Variants in SGPP2 observed in about 807,000 individuals in gnomAD.
SGPP2 encodes sphingosine-1-phosphate phosphatase 2.
SGPP2 carries 30 observed loss-of-function variants against 33.9 expected under a neutral mutation model. That is an observed-to-expected ratio of 0.89 (90% CI 0.66 to 1.20). SGPP2 has a LOEUF of 1.20. SGPP2 is among the 50% of genes most tolerant of loss of function. The pLI is 0.00. For synonymous variants in SGPP2, 233 were observed against 225.0 expected (o/e 1.04, Z -0.32); for missense variants, 458 against 532.1 (o/e 0.86, Z 1.37).
In SGPP2 at chr2:222,465,647, T is replaced by G. The variant is rs1334078683; in HGVS notation, c.220-8921T>G. Among the ~76,000 whole-genome samples the G allele has an allele frequency of 1.3e-5, 2 of 152,158 alleles. No homozygotes were observed. The highest frequency in any genetic ancestry group is 4.8e-5 in the African/African-American group (2 of 41,434). ...CATCCCACTGTTTCAGAGCCAAAATTTGTTCTAGTCTCACCAGAGTAAATC... is the reference window on the plus strand; with the variant it reads ...CATCCCACTGTTTCAGAGCCAAAATGTGTTCTAGTCTCACCAGAGTAAATC... On this transcript the variant is annotated intron_variant, in intron 1 of 4. Transcript: ENST00000321276. The surrounding 1 kb of genome is among the most constrained non-coding windows in gnomAD (Gnocchi z 4.1).
rs1689471582 is a variant in SGPP2 at position 222,558,923 on chromosome 2, C to CA, written c.*26dup. The CA allele has an allele frequency of 1.9e-6, 3 of 1,586,154 alleles. No homozygotes were observed. Among genetic ancestry groups the CA allele is most frequent in the Non-Finnish European group, 2.6e-6 (3 of 1,159,320 alleles). ...AGTCTCAAACAGTTGGAAACTAGCC[C>CA]ACTGGACATGAAAGCCAAGACATAG... On this transcript the variant is annotated 3_prime_UTR_variant, in exon 5 of 5. Coordinates refer to ENST00000321276, the MANE Select transcript of SGPP2 (RefSeq NM_152386.4).
chr2:222,533,649 G>A (rs1355667811), intron 4 of SGPP2, among the ~76,000 whole-genome samples: 1 of 152,158 alleles, frequency 6.6e-6, no homozygotes. Context: ...AGGTGCAGCT[G>A]GCATTGGGAG....
At chr2:222,538,587 T>C (rs1019518498) in intron 4 of SGPP2, among the ~76,000 whole-genome samples, 3 of 152,198 alleles carry the variant, frequency 2.0e-5, no homozygotes, top group African/African-American at 7.2e-5. Flanking sequence ...CTCAATTCAA[T>C]TGTATATGAA....
chr2:222,558,824 G>C lies in SGPP2; in HGVS notation c.1126G>C (p.Val376Leu), dbSNP rs761710774. 4.3e-6 allele frequency: 7 copies of C among 1,614,136 alleles called. No homozygotes were observed. The change falls in exon 5 of 5, where the codon GTT (valine) becomes CTT (leucine). Residue 376 changes from valine to leucine, a missense_variant. Val to Leu is a conservative substitution (Grantham distance 32). Coordinates refer to ENST00000321276, the MANE Select transcript of SGPP2 (RefSeq NM_152386.4). ...GGAGATTGAAGTGCCTTACAAGTTTGTTACCTACACATCTGTTGGCATCTG... is the reference window on the plus strand; with the variant it reads ...GGAGATTGAAGTGCCTTACAAGTTTCTTACCTACACATCTGTTGGCATCTG... ...RLEIEVPYKFVTYTSVGICAT... is the reference protein window; with the variant it reads ...RLEIEVPYKFLTYTSVGICAT...
At chr2:222,516,830 T>C (rs941236104) in intron 2 of SGPP2, among the ~76,000 whole-genome samples, 1 of 152,230 alleles carries the variant, frequency 6.6e-6, no homozygotes, top group African/African-American at 2.4e-5. Flanking sequence ...ACTATTATAG[T>C]AATTTATATT....
chr2:222,480,980 A>G (rs915742976), intron 2 of SGPP2, among the ~76,000 whole-genome samples: 3 of 152,206 alleles, frequency 2.0e-5, no homozygotes, highest in Admixed American at 1.3e-4. Flanking sequence ...TATCCTCAGC[A>G]AACTATCAGG....
intron 4 of SGPP2, 76 bp downstream of exon 4, chr2:222,525,109 C>T: frequency 1.0e-6 from 1 of 989,674 alleles, no homozygotes; most frequent in Admixed American, 2.5e-5. Context: ...GTTTCTCATA[C>T]TACTTATTTA....
intron 1 of SGPP2, among the ~76,000 whole-genome samples, chr2:222,453,694 T>C (rs1349127249): frequency 1.3e-5 from 2 of 152,224 alleles, no homozygotes; most frequent in African/African-American, 2.4e-5. Context: ...AAGAATACAG[T>C]ATATAATGCA....
chr2:222,476,733 T>C lies in SGPP2; in HGVS notation c.378+2007T>C, dbSNP rs747351722. 6.6e-6 allele frequency among the ~76,000 whole-genome samples: 1 copy of C among 151,958 alleles called. No homozygotes were observed. The highest frequency in any genetic ancestry group is 1.5e-5 in the Non-Finnish European group (1 of 67,952). ...CTGTATATATATGTATGTGTGTATATAGGTGTGTGTGTATATGTATGTATA... is the reference window on the plus strand; with the variant it reads ...CTGTATATATATGTATGTGTGTATACAGGTGTGTGTGTATATGTATGTATA... On this transcript the variant is annotated intron_variant, in intron 2 of 4. Coordinates refer to ENST00000321276, the MANE Select transcript of SGPP2 (RefSeq NM_152386.4). This position sits in a 1 kb window ranked among gnomAD's most constrained non-coding sequence, Gnocchi z 4.3.
At chr2:222,495,072 T>G (rs1248395309) in intron 2 of SGPP2, among the ~76,000 whole-genome samples, 3 of 152,014 alleles carry the variant, frequency 2.0e-5, no homozygotes, top group African/African-American at 7.3e-5. Context: ...AAGTTGCTGG[T>G]GGTTTGAAAA....
At chr2:222,510,552 T>C (rs1314757661) in intron 2 of SGPP2, among the ~76,000 whole-genome samples, 2 of 152,186 alleles carry the variant, frequency 1.3e-5, no homozygotes, top group African/African-American at 4.8e-5. Flanking sequence ...ACATCACTTT[T>C]GCTATTTCTC....
At chr2:222,474,106 C>T (rs1697892750) in intron 1 of SGPP2, among the ~76,000 whole-genome samples, 1 of 152,060 alleles carries the variant, frequency 6.6e-6, no homozygotes, top group Non-Finnish European at 1.5e-5. Context: ...TGTATCAATA[C>T]AAATTTTAAA....
At chr2:222,522,060 G>C in intron 3 of SGPP2, 114 bp downstream of exon 3, 1 of 956,808 alleles carries the variant, frequency 1.0e-6, no homozygotes, top group Non-Finnish European at 1.5e-6. Flanking sequence ...ATGAAATAAA[G>C]ATTAAGAGAA....
At chr2:222,468,930 A>G (rs1697796506) in intron 1 of SGPP2, among the ~76,000 whole-genome samples, 1 of 152,238 alleles carries the variant, frequency 6.6e-6, no homozygotes, top group African/African-American at 2.4e-5. Context: ...GTGCATTTAA[A>G]GAACTTACGA....
intron 1 of SGPP2, among the ~76,000 whole-genome samples, chr2:222,434,597 G>A (rs1242270062): frequency 6.6e-6 from 1 of 152,088 alleles, no homozygotes; most frequent in East Asian, 1.9e-4. Flanking sequence ...AAAACACCTG[G>A]TTCATTGTTA....
chr2:222,425,224 C>G (rs944171073), intron 1 of SGPP2, among the ~76,000 whole-genome samples: 4 of 152,160 alleles, frequency 2.6e-5, no homozygotes, highest in Admixed American at 2.6e-4. Context: ...CATTTCCGCC[C>G]ATCCCCCTTC....
chr2:222,462,022 A>T (rs527933207), intron 1 of SGPP2, among the ~76,000 whole-genome samples: 92 of 152,284 alleles, frequency 6.0e-4, no homozygotes, highest in South Asian at 3.1e-3. Flanking sequence ...GTCATGAGTC[A>T]TGCCTGTCCC....
At chr2:222,485,457 GCTTTGGTA>G (rs1480065633) in intron 2 of SGPP2, among the ~76,000 whole-genome samples, 11 of 152,204 alleles carry the variant, frequency 7.2e-5, no homozygotes, top group African/African-American at 2.7e-4. Context: ...GCGGAGAAGG[GCTTTGGTA>G]CTTTTGTTTC....
intron 1 of SGPP2, among the ~76,000 whole-genome samples, chr2:222,439,285 C>T (rs1697290313): frequency 6.6e-6 from 1 of 152,140 alleles, no homozygotes; most frequent in Non-Finnish European, 1.5e-5. Context: ...CTCAAGGGGA[C>T]CTGGCCTCCC....
Sources: allele counts gnomAD v4.1 joint callset (sites outside exome capture counted in the v4.1 genomes callset), GRCh38; gene constraint gnomAD v4.1.1; non-coding constraint Gnocchi (gnomAD v3.1); transcripts MANE v1.5; gene names NCBI Gene and HGNC (gene_info 2026-07-23, HGNC 2026-07-21).